Variants in CHST11 observed in about 807,000 individuals in gnomAD.
The protein encoded by CHST11 is C4S-1.
In CHST11, 9 loss-of-function variants were observed where a neutral mutation model predicts 30.4. That is an observed-to-expected ratio of 0.30 (90% CI 0.18 to 0.52). CHST11 has a LOEUF of 0.52. Among genes scored for constraint, CHST11 ranks in the 20% least tolerant of loss-of-function variants. The pLI is 0.97. For synonymous variants in CHST11, 152 were observed against 187.8 expected, an observed-to-expected ratio of 0.81 and a Z score of 1.56; for missense variants, 348 against 460.6, an observed-to-expected ratio of 0.76 and a Z score of 2.24.
At chr12:104,607,000 A>C (rs371421887) in intron 2 of CHST11, among the ~76,000 whole-genome samples, 2 of 152,292 alleles carry the variant, frequency 1.3e-5, no homozygotes, top group South Asian at 4.1e-4. Context: ...CGGAGGTTGC[A>C]GTGAGCCAAG....
intron 1 of CHST11, among the ~76,000 whole-genome samples, chr12:104,573,197 A>G (rs1055992699): frequency 5.3e-5 from 8 of 152,222 alleles, no homozygotes; most frequent in African/African-American, 1.4e-4. Flanking sequence ...CCGCTGCTCA[A>G]TGAAATAAAA....
chr12:104,724,348 T>C (rs1312453067), intron 2 of CHST11, among the ~76,000 whole-genome samples: 1 of 151,944 alleles, frequency 6.6e-6, no homozygotes, highest in African/African-American at 2.4e-5. Flanking sequence ...AGAGAATCCA[T>C]AGGGAAAATG....
At chr12:104,591,215 G>A (rs766476751) in intron 1 of CHST11, among the ~76,000 whole-genome samples, 30 of 152,180 alleles carry the variant, frequency 2.0e-4, no homozygotes, top group Non-Finnish European at 1.2e-4. Context: ...CCTCTGGGCC[G>A]TGGAAAGACT....
At chr12:104,581,237 T>G (rs2038741034) in intron 1 of CHST11, among the ~76,000 whole-genome samples, 1 of 152,176 alleles carries the variant, frequency 6.6e-6, no homozygotes, top group African/African-American at 2.4e-5. Context: ...GGTGTTGACT[T>G]GCATTAGCTT....
chr12:104,490,633 T>C (rs985891598), intron 1 of CHST11, among the ~76,000 whole-genome samples: 2 of 152,244 alleles, frequency 1.3e-5, no homozygotes, highest in Non-Finnish European at 2.9e-5. Context: ...GCTGCATTTT[T>C]ATTCTGTGTT....
At chr12:104,723,117 C>T (rs1034670819) in intron 2 of CHST11, among the ~76,000 whole-genome samples, 4 of 152,092 alleles carry the variant, frequency 2.6e-5, no homozygotes, top group Admixed American at 2.0e-4. Flanking sequence ...GTGGTGTGAG[C>T]GTAGTATCAC....
intron 1 of CHST11, among the ~76,000 whole-genome samples, chr12:104,583,098 G>T (rs1317880512): frequency 2.0e-5 from 3 of 152,110 alleles, no homozygotes; most frequent in African/African-American, 7.2e-5. Context: ...CATATGTGTT[G>T]TATACTGGGG....
At chr12:104,596,898 A>G (rs1479706387) in intron 1 of CHST11, among the ~76,000 whole-genome samples, 2 of 152,214 alleles carry the variant, frequency 1.3e-5, no homozygotes, top group African/African-American at 2.4e-5. Flanking sequence ...GGATTGGCCT[A>G]TACTCGAATC....
In CHST11 at chr12:104,579,237, T is replaced by C. The variant is rs193263573; in HGVS notation, c.119-22669T>C. On this transcript the variant is annotated intron_variant, in intron 1 of 2. Transcript: ENST00000303694. ...TGGTTGCTCAGTGAATATCTGCTCT[T>C]TCTTTTTAGCCTTCATGTGGGAGGC... is the stretch of plus-strand genomic sequence containing the variant. Among the ~76,000 whole-genome samples, 277 of 152,304 alleles carry C rather than the reference T, an allele frequency of 1.8e-3. 1 individual carries two copies. The highest frequency in any genetic ancestry group is 6.5e-3 in the African/African-American group (268 of 41,544).
At chr12:104,572,991 A>G (rs1248623826) in intron 1 of CHST11, among the ~76,000 whole-genome samples, 1 of 152,236 alleles carries the variant, frequency 6.6e-6, no homozygotes, top group Non-Finnish European at 1.5e-5. Flanking sequence ...AAATCTCCTT[A>G]AGCTGATAGG....
rs984853772 is a variant in CHST11, at chr12:104,514,499, T to C, written c.118+56970T>C. 4 of 668,354 alleles carry C rather than the reference T, an allele frequency of 6.0e-6. No homozygotes were observed. In the African/African-American group the frequency reaches 7.2e-5, roughly 12 times the overall value. 41.4% of individuals were successfully genotyped at this position (668,354 alleles called of 1,614,324 possible). Reference sequence around the variant, plus strand: ...TACGACTCCATACCATTACTGGTGCTGGGATGTGCTAAGCTTTACAACATT... The same window carrying C: ...TACGACTCCATACCATTACTGGTGCCGGGATGTGCTAAGCTTTACAACATT... On this transcript the variant is annotated intron_variant, in intron 1 of 2. Coordinates refer to ENST00000303694, the MANE Select transcript of CHST11 (RefSeq NM_018413.6).
chr12:104,666,789 T>C (rs2039646507), intron 2 of CHST11, among the ~76,000 whole-genome samples: 1 of 152,164 alleles, frequency 6.6e-6, no homozygotes, highest in African/African-American at 2.4e-5. Flanking sequence ...AGGTACCTCA[T>C]CAGAGAGGCG....
chr12:104,573,362 TA>T (rs1214829584), intron 1 of CHST11, among the ~76,000 whole-genome samples: 1 of 152,046 alleles, frequency 6.6e-6, no homozygotes, highest in Non-Finnish European at 1.5e-5. Context: ...AAAACTACTT[TA>T]AAGTTCATAT....
intron 1 of CHST11, among the ~76,000 whole-genome samples, chr12:104,476,048 C>A (rs1862745025): frequency 7.3e-6 from 1 of 137,910 alleles, no homozygotes; most frequent in East Asian, 2.0e-4. Context: ...ATATGTAATA[C>A]TTGTAATATA....
chr12:104,683,220 G>A (rs1015817304), intron 2 of CHST11, among the ~76,000 whole-genome samples: 1 of 152,140 alleles, frequency 6.6e-6, no homozygotes, highest in Non-Finnish European at 1.5e-5. Context: ...AGACAACCCA[G>A]CAGTCAGACA....
chr12:104,501,426 C>T (rs1232370051), intron 1 of CHST11, among the ~76,000 whole-genome samples: 1 of 152,164 alleles, frequency 6.6e-6, no homozygotes, highest in African/African-American at 2.4e-5. Flanking sequence ...GGCACCAAAC[C>T]TGAAGGTTCA....
intron 1 of CHST11, among the ~76,000 whole-genome samples, chr12:104,504,671 A>G (rs1404927613): frequency 6.6e-6 from 1 of 152,086 alleles, no homozygotes; most frequent in Non-Finnish European, 1.5e-5. Context: ...ATCTTGTTTA[A>G]AAAGCGGGGG....
At chr12:104,740,148 T>A (rs1380334620) in intron 2 of CHST11, among the ~76,000 whole-genome samples, 1 of 152,242 alleles carries the variant, frequency 6.6e-6, no homozygotes, top group Non-Finnish European at 1.5e-5. Context: ...CTTTTCCCAG[T>A]TCTTGCCTCA....
chr12:104,755,334 G>A (rs1301662868), intron 2 of CHST11, among the ~76,000 whole-genome samples: 23 of 152,188 alleles, frequency 1.5e-4, no homozygotes, highest in Admixed American at 2.6e-4. Context: ...CTGGGGCTCC[G>A]AGTCCCTGTG....
Sources: allele counts gnomAD v4.1 joint callset (sites outside exome capture counted in the v4.1 genomes callset), GRCh38; gene constraint gnomAD v4.1.1; transcripts MANE v1.5; gene names NCBI Gene and HGNC (gene_info 2026-07-23, HGNC 2026-07-21).